The following BICRA variants were observed in gnomAD, a reference collection of about 807,000 sequenced individuals.
BICRA encodes BRD4-interacting chromatin-remodeling complex-associated protein.
Under a neutral mutation model 96.9 loss-of-function variants are expected in BICRA, and 31 were observed. The ratio of observed to expected loss-of-function variants is 0.32; its 90% CI spans 0.24 to 0.43. BICRA has a LOEUF of 0.43. Ranked by LOEUF, BICRA falls within the 20% of genes least tolerant of loss-of-function variation. The pLI is 1.00. For missense variants in BICRA, 2,283 were observed against 2,190.3 expected (o/e 1.04, Z -0.84); for synonymous variants, 1,350 against 1,071.8 (o/e 1.26, Z -5.07).
Position 47,679,315 on chromosome 19 carries a change from C to G in BICRA, c.151-6C>G. On this transcript the variant is annotated splice_region_variant and splice_polypyrimidine_tract_variant and intron_variant, in intron 5 of 14. Coordinates refer to ENST00000594866, the MANE Select transcript of BICRA (RefSeq NM_001394372.1). ...CTCTTTCCTTCCCACCTTTCCCGGC[C>G]TGCAGCTCCATGTGCAAGAAGCTTC... 7.0e-7 allele frequency: 1 copy of G among 1,425,952 alleles called. No individual in the cohort carries two copies. The highest frequency in any genetic ancestry group is 9.2e-7 in the Non-Finnish European group (1 of 1,088,586). The allele number at this position is 1,425,952 out of a possible 1,614,324, so 88.3% of individuals were successfully genotyped here. A position where few individuals can be genotyped will look rare whatever the true frequency, so the allele number is the denominator to read the frequency against.
intron 1 of BICRA, among the ~76,000 whole-genome samples, chr19:47,670,107 G>A (rs1972841857): frequency 6.6e-6 from 1 of 151,840 alleles, no homozygotes; most frequent in Admixed American, 6.6e-5. Context: ...AAGCGACCAT[G>A]CCCAGCCAAA....
At chr19:47,686,567 T>C (rs1599857718) in intron 7 of BICRA, among the ~76,000 whole-genome samples, 1 of 151,756 alleles carries the variant, frequency 6.6e-6, no homozygotes, top group East Asian at 2.0e-4. Flanking sequence ...TATTTTTAGT[T>C]GAGACAAGGT....
intron 1 of BICRA, among the ~76,000 whole-genome samples, chr19:47,612,147 GCTCACACC>G (rs1329017783): frequency 1.3e-5 from 2 of 152,100 alleles, no homozygotes; most frequent in Non-Finnish European, 2.9e-5. Flanking sequence ...AGGTGCCATG[GCTCACACC>G]TGTAACCCCA....
At chr19:47,659,680 G>A (rs1599827331) in intron 1 of BICRA, among the ~76,000 whole-genome samples, 1 of 130,122 alleles carries the variant, frequency 7.7e-6, no homozygotes, top group Admixed American at 8.4e-5. Context: ...GTACATGGTG[G>A]TGCATACACA....
intron 1 of BICRA, chr19:47,663,757 A>G (rs55742552): frequency 0.15 from 22,265 of 151,640 alleles, 1,685 homozygotes; most frequent in South Asian, 0.2. Context: ...TTTTGACCAC[A>G]ACTCACAGTC....
At chr19:47,610,864 C>T (rs1182930316) in intron 1 of BICRA, among the ~76,000 whole-genome samples, 1 of 152,102 alleles carries the variant, frequency 6.6e-6, no homozygotes, top group South Asian at 2.1e-4. Flanking sequence ...GGAAGCACCC[C>T]CTTCCCATGC....
At chr19:47,624,309 G>A (rs572872006) in intron 1 of BICRA, among the ~76,000 whole-genome samples, 45 of 152,256 alleles carry the variant, frequency 3.0e-4, no homozygotes, top group African/African-American at 9.6e-4. Context: ...TCTGCCCAGA[G>A]TCATCTTCCC....
intron 1 of BICRA, among the ~76,000 whole-genome samples, chr19:47,630,007 C>CT (rs1003514159): frequency 2.0e-5 from 3 of 151,964 alleles, no homozygotes; most frequent in African/African-American, 7.3e-5. Context: ...GCATTAAGTA[C>CT]TTTAATATTG....
chr19:47,644,921 C>T (rs1484666257), intron 1 of BICRA, among the ~76,000 whole-genome samples: 2 of 152,204 alleles, frequency 1.3e-5, no homozygotes, highest in Non-Finnish European at 2.9e-5. Flanking sequence ...ACACACACTT[C>T]CTCTTTCTCT....
At chr19:47,635,051 C>T (rs771442312) in intron 1 of BICRA, among the ~76,000 whole-genome samples, 37 of 151,250 alleles carry the variant, frequency 2.4e-4, no homozygotes, top group Non-Finnish European at 4.1e-4. Flanking sequence ...CGTGAGCCAC[C>T]GCTCCTGGCC....
At chr19:47,644,658 G>GC (rs1361806080) in intron 1 of BICRA, among the ~76,000 whole-genome samples, 2 of 151,936 alleles carry the variant, frequency 1.3e-5, no homozygotes, top group Non-Finnish European at 2.9e-5. Context: ...CCGCCACTAT[G>GC]CCCAGATAAG....
chr19:47,680,935 C>T lies in BICRA; in HGVS notation c.1765C>T (p.Pro589Ser), dbSNP rs1015960563. The change falls in exon 6 of 15, where the codon CCC becomes TCC. Residue 589 changes from proline (P) to serine (S), a missense_variant. Pro to Ser is a moderately conservative substitution (Grantham distance 74). Transcript: ENST00000594866. ...ATTVLQGVTL[P>S]PSAVAMLNTP... ...CACTGTCCTCCAGGGGGTCACCCTGCCCCCCAGCGCCGTGGCCATGCTCAA... is the reference window on the plus strand; with the variant it reads ...CACTGTCCTCCAGGGGGTCACCCTGTCCCCCAGCGCCGTGGCCATGCTCAA... 2 of 1,466,548 alleles carry T rather than the reference C, an allele frequency of 1.4e-6. No individual in the cohort carries two copies. Among genetic ancestry groups the T allele is most frequent in the African/African-American group, 1.5e-5 (1 of 67,714 alleles). The allele number at this position is 1,466,548 out of a possible 1,614,324, so 90.8% of individuals were successfully genotyped here.
At chr19:47,633,143 C>T (rs886111050) in intron 1 of BICRA, among the ~76,000 whole-genome samples, 3 of 134,098 alleles carry the variant, frequency 2.2e-5, no homozygotes, top group African/African-American at 8.6e-5. Context: ...TGTGGTGGTG[C>T]GATCTCAGCT....
At chr19:47,657,785 A>G (rs367685302) in intron 1 of BICRA, among the ~76,000 whole-genome samples, 1 of 152,034 alleles carries the variant, frequency 6.6e-6, no homozygotes, top group East Asian at 1.9e-4. Context: ...TGGGTCATAG[A>G]GTTGGTATAT....
At chr19:47,683,847 G>A (rs918490823) in intron 7 of BICRA, among the ~76,000 whole-genome samples, 2 of 152,184 alleles carry the variant, frequency 1.3e-5, no homozygotes, top group Non-Finnish European at 2.9e-5. Context: ...GCCTCCCAAA[G>A]TGCTGGGATT....
intron 1 of BICRA, among the ~76,000 whole-genome samples, chr19:47,648,289 GT>G: frequency 6.6e-6 from 1 of 152,080 alleles, no homozygotes; most frequent in East Asian, 1.9e-4. Context: ...AATCCCTGGG[GT>G]TTCTGGTCGG....
chr19:47,650,905 C>T (rs753230466), intron 1 of BICRA, among the ~76,000 whole-genome samples: 5 of 152,126 alleles, frequency 3.3e-5, no homozygotes, highest in Admixed American at 6.6e-5. Flanking sequence ...ACCATCTGCC[C>T]GGTCCACCCA....
chr19:47,680,476 C>G lies in BICRA; in HGVS notation c.1306C>G (p.Pro436Ala). The G allele has an allele frequency of 6.5e-7, 1 of 1,541,500 alleles. No homozygotes were observed. Among genetic ancestry groups the G allele is most frequent in the Non-Finnish European group, 8.7e-7 (1 of 1,145,630 alleles). The stretch of plus-strand genomic sequence containing the variant: ...ACCGGCCACCACCACCGGAGCGGCC[C>G]CGCCGCAGCCCCCCGGGGCCCTGAG... ...QPPATTTGAA[P>A]PQPPGALSKP... Residue 436 changes from proline to alanine, a missense_variant, in exon 6 of 15, where the codon CCG (proline) becomes GCG (alanine). Transcript: ENST00000594866.
chr19:47,686,515 C>T (rs1299025596), intron 7 of BICRA, among the ~76,000 whole-genome samples: 1 of 152,120 alleles, frequency 6.6e-6, no homozygotes, highest in Admixed American at 6.5e-5. Flanking sequence ...TCCCAAGTAG[C>T]TGGGATTACA....
Sources: gnomAD v4.1 joint callset for allele counts (sites outside exome capture counted in the v4.1 genomes callset) on GRCh38, gnomAD v4.1.1 for gene constraint, MANE v1.5 for transcripts, NCBI Gene and HGNC (gene_info 2026-07-23, HGNC 2026-07-21) for gene names.